CDYL: variants seen among roughly 807,000 people sequenced by gnomAD.
CDYL encodes chromodomain Y-like protein.
CDYL carries 8 observed loss-of-function variants against 47.3 expected under a neutral mutation model. That is an observed-to-expected ratio of 0.17 (90% CI 0.10 to 0.31). The LOEUF is 0.31. Ranked by LOEUF, CDYL falls within the 10% of genes least tolerant of loss-of-function variation. The probability of loss-of-function intolerance (pLI) is 1.00; values close to 1 mark genes in which losing one functional copy is unlikely to be tolerated. For synonymous variants in CDYL, 266 were observed against 265.0 expected, an observed-to-expected ratio of 1.00 and a Z score of -0.04; for missense variants, 471 against 701.4, an observed-to-expected ratio of 0.67 and a Z score of 3.71.
intron 2 of CDYL, among the ~76,000 whole-genome samples, chr6:4,728,637 G>A (rs1362226864): frequency 6.6e-6 from 1 of 152,138 alleles, no homozygotes; most frequent in East Asian, 1.9e-4. Flanking sequence ...TTATTAAAGG[G>A]AAAGGAAGTC....
rs1464020411 is a variant in CDYL, at chr6:4,935,672, T to C, written c.849T>C (p.Ser283=). The change falls in exon 3 of 7, where the codon AGT becomes AGC. Residue 283 remains serine, a synonymous_variant. Transcript: ENST00000397588. ...GTTTCAGCGTGAGGCAAACAGAAAGTGCCTACAGATACAGAGATATTGTGG... is the reference window on the plus strand; with the variant it reads ...GTTTCAGCGTGAGGCAAACAGAAAGCGCCTACAGATACAGAGATATTGTGG... ...RLRFSVRQTE[S]AYRYRDIVVR... 1 of 1,614,194 alleles carries C rather than the reference T, an allele frequency of 6.2e-7. No individual in the cohort carries two copies. The highest frequency in any genetic ancestry group is 8.5e-7 in the Non-Finnish European group (1 of 1,180,036).
At chr6:4,788,961 C>T (rs1199570455) in intron 1 of CDYL, among the ~76,000 whole-genome samples, 1 of 152,098 alleles carries the variant, frequency 6.6e-6, no homozygotes. Context: ...GAGTTAGAGC[C>T]CTCCCTGTCT....
intron 1 of CDYL, among the ~76,000 whole-genome samples, chr6:4,885,280 T>A (rs1761871630): frequency 6.6e-6 from 1 of 152,222 alleles, no homozygotes; most frequent in East Asian, 1.9e-4. Context: ...AGACGTGAGC[T>A]ACTGTGCCCA....
At chr6:4,740,634 T>G (rs1274671177) in intron 3 of CDYL, among the ~76,000 whole-genome samples, 1 of 152,136 alleles carries the variant, frequency 6.6e-6, no homozygotes, top group Non-Finnish European at 1.5e-5. Flanking sequence ...AGCCACATCT[T>G]CTTTCTAATC....
chr6:4,732,664 TA>T (rs1388162262), intron 2 of CDYL, among the ~76,000 whole-genome samples: 2 of 78,650 alleles, frequency 2.5e-5, no homozygotes, highest in African/African-American at 8.3e-5. Context: ...TCCTGTTTTT[TA>T]AAAAAAAAGA....
intron 1 of CDYL, among the ~76,000 whole-genome samples, chr6:4,871,178 T>C (rs1208158127): frequency 1.3e-5 from 2 of 152,334 alleles, no homozygotes; most frequent in Non-Finnish European, 2.9e-5. Context: ...GTTCTCTTCA[T>C]CACTCCCTGT....
chr6:4,771,423 C>T (rs780936228), upstream of CDYL, among the ~76,000 whole-genome samples: 4 of 152,178 alleles, frequency 2.6e-5, no homozygotes, highest in Admixed American at 6.5e-5. Flanking sequence ...TGAGTGTTTG[C>T]ACTTTGAACA....
At chr6:4,745,494 T>TG (rs1757877062) in intron 3 of CDYL, among the ~76,000 whole-genome samples, 1 of 151,906 alleles carries the variant, frequency 6.6e-6, no homozygotes, top group Non-Finnish European at 1.5e-5. Flanking sequence ...CTCAGCACTT[T>TG]GGGAGGCTGA....
chr6:4,948,590 GAGATGGCCGTTAGC>G (rs1225770921), intron 5 of CDYL, among the ~76,000 whole-genome samples: 2 of 152,174 alleles, frequency 1.3e-5, no homozygotes, highest in African/African-American at 2.4e-5. Flanking sequence ...CACACATGAG[GAGATGGCCGTTAGC>G]AGAGGCTGGG....
intron 1 of CDYL, among the ~76,000 whole-genome samples, chr6:4,712,630 A>G (rs779523040): frequency 6.6e-6 from 1 of 152,216 alleles, no homozygotes; most frequent in Non-Finnish European, 1.5e-5. Flanking sequence ...GATATTCACT[A>G]TCACGTATAC....
At chr6:4,734,236 TCA>T (rs200585865) in intron 2 of CDYL, among the ~76,000 whole-genome samples, 10,616 of 152,176 alleles carry the variant, frequency 0.07, 414 homozygotes, top group Middle Eastern at 0.11. Context: ...GTCCTGACAG[TCA>T]AACTCTCTCT....
intron 2 of CDYL, among the ~76,000 whole-genome samples, chr6:4,903,769 G>C (rs536740433): frequency 2.6e-5 from 4 of 152,182 alleles, no homozygotes; most frequent in Non-Finnish European, 5.9e-5. Context: ...AGTATCTTCC[G>C]TGGCTTCTGA....
At position 4,785,463 on chromosome 6, in the gene CDYL, A is replaced by G. The variant is rs555505894; in HGVS notation, c.24+8656A>G. 2.6e-4 allele frequency among the ~76,000 whole-genome samples: 40 copies of G among 152,362 alleles called. 1 individual carries two copies. Among genetic ancestry groups the G allele is most frequent in the African/African-American group, 8.4e-4 (35 of 41,580 alleles). On this transcript the variant is annotated intron_variant, in intron 1 of 6. Transcript: ENST00000397588. Reference sequence around the variant, plus strand: ...TAGTGTTTGTTGTTAAAACCCAACAATGTTGACTGCACATCATGAATGTTC... The same window carrying G: ...TAGTGTTTGTTGTTAAAACCCAACAGTGTTGACTGCACATCATGAATGTTC...
intron 1 of CDYL, among the ~76,000 whole-genome samples, chr6:4,707,584 G>A (rs1449642794): frequency 6.6e-6 from 1 of 152,140 alleles, no homozygotes; most frequent in African/African-American, 2.4e-5. Context: ...CTGTTAAACT[G>A]TTTACTGTAT....
chr6:4,792,679 G>T (rs192083279), intron 1 of CDYL, among the ~76,000 whole-genome samples: 2 of 151,988 alleles, frequency 1.3e-5, no homozygotes, highest in East Asian at 2.0e-4. Context: ...CAAGTGATCT[G>T]CCCACCTTGG....
At chr6:4,868,376 A>G (rs185823139) in intron 1 of CDYL, among the ~76,000 whole-genome samples, 42 of 151,650 alleles carry the variant, frequency 2.8e-4, no homozygotes, top group Non-Finnish European at 5.5e-4. Flanking sequence ...CTTTTTTAGA[A>G]GTGTGTTTTT....
At chr6:4,933,877 A>G (rs974960489) in intron 2 of CDYL, among the ~76,000 whole-genome samples, 5 of 152,202 alleles carry the variant, frequency 3.3e-5, no homozygotes, top group African/African-American at 9.7e-5. Context: ...AGTAGTGCGT[A>G]TTGCAGTGTG....
intron 1 of CDYL, among the ~76,000 whole-genome samples, chr6:4,798,610 A>G (rs1353898637): frequency 2.0e-5 from 3 of 152,184 alleles, no homozygotes; most frequent in Non-Finnish European, 2.9e-5. Flanking sequence ...GCCTTGAGGA[A>G]TTGTGTCTAT....
chr6:4,812,383 T>C (rs1738814167), intron 1 of CDYL, among the ~76,000 whole-genome samples: 1 of 152,186 alleles, frequency 6.6e-6, no homozygotes, highest in Non-Finnish European at 1.5e-5. Flanking sequence ...GGTGTAGCGG[T>C]GAACTCACTC....
Sources: allele counts gnomAD v4.1 joint callset (sites outside exome capture counted in the v4.1 genomes callset), GRCh38; gene constraint gnomAD v4.1.1; transcripts MANE v1.5; gene names NCBI Gene and HGNC (gene_info 2026-07-23, HGNC 2026-07-21).